SND1: variants seen among roughly 807,000 people sequenced by gnomAD.
SND1 encodes staphylococcal nuclease domain-containing protein 1.
A neutral mutation model predicts 121.7 loss-of-function variants in SND1; 38 were observed. The ratio of observed to expected loss-of-function variants is 0.31; its 90% CI spans 0.24 to 0.41. The LOEUF (loss-of-function observed/expected upper bound fraction) is 0.41. Ranked by LOEUF, SND1 falls within the 10% of genes least tolerant of loss-of-function variation. The pLI, the probability that SND1 is intolerant of heterozygous loss-of-function variation, is 1.00. For missense variants in SND1, 868 were observed against 1,184.6 expected, an observed-to-expected ratio of 0.73 and a Z score of 3.92; for synonymous variants, 401 against 447.4, an observed-to-expected ratio of 0.90 and a Z score of 1.31.
intron 12 of SND1, among the ~76,000 whole-genome samples, chr7:127,847,523 G>A (rs970486056): frequency 2.0e-5 from 3 of 151,996 alleles, no homozygotes; most frequent in African/African-American, 7.2e-5. Flanking sequence ...TTGCTGTCTG[G>A]GCAGCATGGA....
intron 15 of SND1, among the ~76,000 whole-genome samples, chr7:127,987,328 C>G (rs1217784498): frequency 6.6e-6 from 1 of 152,202 alleles, no homozygotes; most frequent in Non-Finnish European, 1.5e-5. Context: ...TTTATTGCAT[C>G]ACCAGCCCAG....
chr7:127,738,404 A>G (rs6979918), intron 10 of SND1, among the ~76,000 whole-genome samples: 143,010 of 151,412 alleles, frequency 0.94, 67,968 homozygotes, highest in Non-Finnish European at 1. Flanking sequence ...TCAGCCTCCT[A>G]AGTAACTGGT....
At chr7:127,828,661 CT>C (rs1239947641) in intron 11 of SND1, among the ~76,000 whole-genome samples, 1 of 152,140 alleles carries the variant, frequency 6.6e-6, no homozygotes, top group Non-Finnish European at 1.5e-5. Flanking sequence ...TCTGGAAAAT[CT>C]ATAGTGTCAA....
At chr7:127,709,193 GT>G (rs1796256463) in intron 9 of SND1, among the ~76,000 whole-genome samples, 1 of 152,206 alleles carries the variant, frequency 6.6e-6, no homozygotes, top group Non-Finnish European at 1.5e-5. Flanking sequence ...AGGCGTGTAC[GT>G]GTGTGGACAC....
intron 15 of SND1, among the ~76,000 whole-genome samples, chr7:127,988,341 A>T (rs1253626418): frequency 6.6e-6 from 1 of 152,102 alleles, no homozygotes; most frequent in Admixed American, 6.5e-5. Context: ...TTCCACTTGA[A>T]AAAGGGCACA....
rs901961134 is a variant in SND1, at chr7:127,844,512, T to A, written c.1343+88T>A. ...TTTGAATCTTTCCTTCCTTTCACTC[T>A]GCTTTGCTTTCTCCTGCTCTTAACT... On this transcript the variant is annotated intron_variant, in intron 12 of 23. Transcript: ENST00000354725. 8.4e-6 allele frequency: 9 copies of A among 1,073,570 alleles called. No individual in the cohort carries two copies. The East Asian group carries it at 2.1e-4, about 25-fold the overall frequency. 66.5% of individuals were successfully genotyped at this position (1,073,570 alleles called of 1,614,324 possible).
intron 12 of SND1, among the ~76,000 whole-genome samples, chr7:127,866,923 CCTT>C (rs1303502419): frequency 1.3e-5 from 2 of 152,278 alleles, no homozygotes; most frequent in East Asian, 1.9e-4. Context: ...GACAGTTTCA[CCTT>C]CTTCTTTCCA....
chr7:127,766,520 A>G (rs1357702418), intron 10 of SND1, among the ~76,000 whole-genome samples: 1 of 152,106 alleles, frequency 6.6e-6, no homozygotes, highest in Non-Finnish European at 1.5e-5. Context: ...TCATGCCTTT[A>G]ATCCCAGCAC....
intron 16 of SND1, among the ~76,000 whole-genome samples, chr7:128,032,922 C>G (rs1192276202): frequency 6.6e-6 from 1 of 152,224 alleles, no homozygotes; most frequent in Non-Finnish European, 1.5e-5. Context: ...GAATGGCAAC[C>G]TGGGACAGCA....
chr7:127,678,046 A>G (rs531509682), intron 1 of SND1, among the ~76,000 whole-genome samples: 1 of 152,328 alleles, frequency 6.6e-6, no homozygotes, highest in Admixed American at 6.5e-5. Context: ...TTGGTCTCCA[A>G]CACCTGTTCT....
chr7:127,900,731 T>G (rs942613031), intron 13 of SND1, among the ~76,000 whole-genome samples: 3 of 152,218 alleles, frequency 2.0e-5, no homozygotes, highest in African/African-American at 7.2e-5. Flanking sequence ...TTCATCTTTC[T>G]GTTGCCCTGC....
rs181463194 is a variant in SND1 at position 128,056,794 on chromosome 7, T to C, written c.1780-17708T>C. ...ATATACAGTGTTTTTTTCCTACATATGCATGCATATAATTTATACATAAGG... is the reference window on the plus strand; with the variant it reads ...ATATACAGTGTTTTTTTCCTACATACGCATGCATATAATTTATACATAAGG... On this transcript the variant is annotated intron_variant, in intron 16 of 23. Coordinates refer to ENST00000354725, the MANE Select transcript of SND1 (RefSeq NM_014390.4). Among the ~76,000 whole-genome samples, 9 of 152,294 alleles carry C rather than the reference T, an allele frequency of 5.9e-5. No individual in the cohort carries two copies. The East Asian group carries it at 1.5e-3, about 26-fold the overall frequency.
rs753484516 is a variant in SND1 at position 128,029,562 on chromosome 7, C to G, written c.1779+38506C>G. On this transcript the variant is annotated intron_variant, in intron 16 of 23. Coordinates refer to ENST00000354725, the MANE Select transcript of SND1 (RefSeq NM_014390.4). The surrounding 1 kb of genome is among the most constrained non-coding windows in gnomAD (Gnocchi z 4.2). The stretch of plus-strand genomic sequence containing the variant: ...CCGACCCTCAGAAATGTTGAGGTCT[C>G]GAGGTGCGTCCATGATGAAGGGGGC... 6.2e-7 allele frequency: 1 copy of G among 1,613,958 alleles called. No individual in the cohort carries two copies. Among genetic ancestry groups the G allele is most frequent in the South Asian group, 1.1e-5 (1 of 91,072 alleles).
chr7:127,673,674 C>T (rs1250983567), intron 1 of SND1, among the ~76,000 whole-genome samples: 2 of 152,166 alleles, frequency 1.3e-5, no homozygotes, highest in African/African-American at 4.8e-5. Flanking sequence ...TTCCATCATC[C>T]AACATTTATT....
intron 21 of SND1, among the ~76,000 whole-genome samples, chr7:128,088,521 C>T (rs979735039): frequency 5.6e-5 from 8 of 143,096 alleles, no homozygotes; most frequent in Admixed American, 1.5e-4. Flanking sequence ...GGCACAATCT[C>T]GGCTCACTGC....
At chr7:127,684,841 G>T (rs1216480237) in intron 1 of SND1, among the ~76,000 whole-genome samples, 1 of 152,118 alleles carries the variant, frequency 6.6e-6, no homozygotes, top group Non-Finnish European at 1.5e-5. Flanking sequence ...GTGTGCTTAA[G>T]GTGTTGGGGA....
intron 16 of SND1, among the ~76,000 whole-genome samples, chr7:128,054,556 A>G (rs1282237935): frequency 3.3e-5 from 5 of 152,220 alleles, no homozygotes; most frequent in South Asian, 2.1e-4. Context: ...GCAATGGTTC[A>G]AAGTCTCCAG....
At position 128,011,408 on chromosome 7, in the gene SND1, G is replaced by T. The variant is rs138518366; in HGVS notation, c.1779+20352G>T. 5.0e-3 allele frequency among the ~76,000 whole-genome samples: 767 copies of T among 152,314 alleles called. 5 individuals carry two copies. Among genetic ancestry groups the T allele is most frequent in the African/African-American group, 0.018 (739 of 41,558 alleles). ...AGAGAGTGCCCTTGTAGTATACAAA[G>T]GATTCAGTTCTATGCCTTGCTGACA... On this transcript the variant is annotated intron_variant, in intron 16 of 23. Transcript: ENST00000354725.
chr7:127,906,519 A>G (rs1177242071), intron 14 of SND1, among the ~76,000 whole-genome samples: 1 of 152,212 alleles, frequency 6.6e-6, no homozygotes, highest in Non-Finnish European at 1.5e-5. Context: ...AGGAGAAAAA[A>G]GTTATAAGTG....
Sources: gnomAD v4.1 joint callset for allele counts (sites outside exome capture counted in the v4.1 genomes callset) on GRCh38, gnomAD v4.1.1 for gene constraint, Gnocchi (gnomAD v3.1) non-coding constraint, MANE v1.5 for transcripts, NCBI Gene and HGNC (gene_info 2026-07-23, HGNC 2026-07-21) for gene names.